ATG16L1: variants seen among roughly 807,000 people sequenced by gnomAD.
The protein encoded by ATG16L1 is autophagy related 16 like 1, also known as autophagy-related protein 16-1.
ATG16L1 carries 37 observed loss-of-function variants against 88.5 expected under a neutral mutation model. That is an observed-to-expected ratio of 0.42 (90% confidence interval 0.32 to 0.55). The LOEUF (loss-of-function observed/expected upper bound fraction) is 0.55, where lower values mean the gene tolerates loss of function less well. Ranked by LOEUF, ATG16L1 falls within the 20% of genes least tolerant of loss-of-function variation. The pLI is 0.13. For missense variants in ATG16L1, 554 were observed against 752.8 expected (o/e 0.74, Z 3.09); for synonymous variants, 301 against 281.0 (o/e 1.07, Z -0.71).
intron 9 of ATG16L1, chr2:233,277,300 A>G: frequency 3.2e-6 from 1 of 310,004 alleles, no homozygotes; most frequent in Non-Finnish European, 6.2e-6. Context: ...GATGAAATTA[A>G]TGCAAGGACC....
chr2:233,257,457 A>G (rs1312663567), intron 2 of ATG16L1, among the ~76,000 whole-genome samples: 4 of 152,214 alleles, frequency 2.6e-5, no homozygotes, highest in Admixed American at 2.6e-4. Context: ...TGCATGAGAT[A>G]TTCAACAACT....
At chr2:233,275,095 G>A (rs920209706) in intron 9 of ATG16L1, among the ~76,000 whole-genome samples, 1 of 152,158 alleles carries the variant, frequency 6.6e-6, no homozygotes, top group Non-Finnish European at 1.5e-5. Context: ...GTCACCAATT[G>A]GCTCCAGTTT....
intron 17 of ATG16L1, among the ~76,000 whole-genome samples, chr2:233,293,803 T>C (rs1455890068): frequency 1.3e-5 from 2 of 152,102 alleles, no homozygotes; most frequent in African/African-American, 2.4e-5. Flanking sequence ...CCCCCTTTTT[T>C]CCTAGCTTTG....
chr2:233,281,098 T>G lies in ATG16L1; in HGVS notation c.1061-7T>G. On this transcript the variant is annotated splice_polypyrimidine_tract_variant and splice_region_variant and intron_variant, in intron 10 of 17. Coordinates refer to ENST00000392017, the MANE Select transcript of ATG16L1 (RefSeq NM_030803.7). The stretch of plus-strand genomic sequence containing the variant: ...TCCCATCATCCTAATTTTTTCTTTT[T>G]ATACAGAAAAATGTGAGTTCAAGGG... 5 of 1,579,000 alleles carry G rather than the reference T, an allele frequency of 3.2e-6. No homozygotes were observed. Among genetic ancestry groups the G allele is most frequent in the Non-Finnish European group, 4.3e-6 (5 of 1,166,300 alleles).
At position 233,256,116 on chromosome 2, in the gene ATG16L1, GAA is replaced by G; in HGVS notation, c.133_134del (p.Lys45ValfsTer14). ...TATTTTAATAGATAACAAATTGCTG[GAA>G]AAGTCAGATCTTCATTCAGTGTTGG... Reference protein sequence around the residue: ...EIILQYNKLLEKSDLHSVLAQ... With the variant: ...EIILQYNKLLXKSDLHSVLAQ... On this transcript the variant is annotated frameshift_variant, in exon 2 of 18. Transcript: ENST00000392017. LOFTEE classifies it high-confidence loss of function. The G allele has an allele frequency of 6.2e-7, 1 of 1,613,710 alleles. No individual in the cohort carries two copies. The highest frequency in any genetic ancestry group is 1.1e-5 in the South Asian group (1 of 90,978).
At chr2:233,277,330 A>G (rs1698441063) in intron 9 of ATG16L1, 1 of 419,738 alleles carries the variant, frequency 2.4e-6, no homozygotes, top group South Asian at 2.6e-5. Flanking sequence ...CAGTCTACAC[A>G]GATTTTGAGT....
intron 8 of ATG16L1, chr2:233,274,316 G>A: frequency 4.2e-6 from 2 of 479,738 alleles, no homozygotes; most frequent in Non-Finnish European, 3.7e-6. Flanking sequence ...AAATAAAATA[G>A]TTTTGCAAAA....
At chr2:233,293,821 C>T (rs1314147088) in intron 17 of ATG16L1, among the ~76,000 whole-genome samples, 1 of 152,122 alleles carries the variant, frequency 6.6e-6, no homozygotes, top group Non-Finnish European at 1.5e-5. Flanking sequence ...TTGTTCTGCC[C>T]ACACAAGCCC....
chr2:233,253,928 C>G (rs1031967488), intron 1 of ATG16L1, among the ~76,000 whole-genome samples: 57 of 152,190 alleles, frequency 3.7e-4, no homozygotes, highest in Non-Finnish European at 6.3e-4. Context: ...AGCTAATATC[C>G]TTTGAAAGTC....
chr2:233,269,783 CCTAT>C (rs959948425), intron 5 of ATG16L1, among the ~76,000 whole-genome samples: 21 of 152,152 alleles, frequency 1.4e-4, no homozygotes, highest in African/African-American at 4.3e-4. Context: ...AATAATGTGG[CCTAT>C]CTCTCTTCTA....
chr2:233,278,279 C>T (rs1375713767), intron 10 of ATG16L1, among the ~76,000 whole-genome samples: 1 of 152,228 alleles, frequency 6.6e-6, no homozygotes, highest in African/African-American at 2.4e-5. Flanking sequence ...ATGAAACCAT[C>T]TCTTAGAAGT....
Position 233,277,729 on chromosome 2 carries a change from C to G in ATG16L1, c.1060+56C>G, listed in dbSNP as rs566165158. The G allele has an allele frequency of 2.7e-6, 4 of 1,483,702 alleles. No homozygotes were observed. In the South Asian group the frequency reaches 3.4e-5, roughly 13 times the overall value. The allele number at this position is 1,483,702 out of a possible 1,614,324, so 91.9% of individuals were successfully genotyped here. A position where few individuals can be genotyped will look rare whatever the true frequency, so the allele number is the denominator to read the frequency against. On this transcript the variant is annotated intron_variant, in intron 10 of 17. Coordinates refer to ENST00000392017, the MANE Select transcript of ATG16L1 (RefSeq NM_030803.7). ...AAACTTGAGATGATGCACCCTTGCA[C>G]TGCAGAAAGAAGCTGTGTTGCTGGC...
At chr2:233,275,799 A>G (rs775727808) in intron 9 of ATG16L1, 2 of 519,258 alleles carry the variant, frequency 3.9e-6, no homozygotes, top group Admixed American at 3.9e-5. Context: ...AACTCCCAGC[A>G]GCCCATTTTT....
intron 12 of ATG16L1, among the ~76,000 whole-genome samples, chr2:233,286,245 G>A (rs184943480): frequency 1.3e-5 from 2 of 152,108 alleles, no homozygotes; most frequent in Admixed American, 6.5e-5. Context: ...AATAGGGGTC[G>A]GCACTCGTTA....
chr2:233,252,132 A>C (rs746114746), intron 1 of ATG16L1, among the ~76,000 whole-genome samples, 190 bp downstream of exon 1: 1 of 152,106 alleles, frequency 6.6e-6, no homozygotes, highest in Non-Finnish European at 1.5e-5. Flanking sequence ...TCTTTGGAGG[A>C]TTTTCCCTAT....
intron 1 of ATG16L1, among the ~76,000 whole-genome samples, chr2:233,254,559 T>C (rs1696644977): frequency 6.6e-6 from 1 of 152,148 alleles, no homozygotes; most frequent in East Asian, 1.9e-4. Flanking sequence ...TCTCCAGCCT[T>C]CTCTTCAGGG....
At chr2:233,279,550 T>G (rs76018207) in intron 10 of ATG16L1, among the ~76,000 whole-genome samples, 1,990 of 152,370 alleles carry the variant, frequency 0.013, 52 homozygotes, top group African/African-American at 0.045. Context: ...ATTTTTCGTC[T>G]TGGCAAATAT....
At chr2:233,256,013 C>T (rs1696753873) in intron 1 of ATG16L1, 89 bp from the exon 2 acceptor site, 1 of 991,952 alleles carries the variant, frequency 1.0e-6, no homozygotes, top group Non-Finnish European at 1.6e-6. Flanking sequence ...TCCTGTATTG[C>T]ATCCTTCAAT....
intron 15 of ATG16L1, 36 bp from the exon 16 acceptor site, chr2:233,292,351 G>C: frequency 6.2e-7 from 1 of 1,614,198 alleles, no homozygotes; most frequent in Non-Finnish European, 8.5e-7. Flanking sequence ...CGTGGCCTGA[G>C]CTCCCTCAGT....
Sources: gnomAD v4.1 joint callset for allele counts (sites outside exome capture counted in the v4.1 genomes callset) on GRCh38, gnomAD v4.1.1 for gene constraint, MANE v1.5 for transcripts, NCBI Gene and HGNC (gene_info 2026-07-23, HGNC 2026-07-21) for gene names.